Variants in XRCC5 observed in about 807,000 individuals in gnomAD.
XRCC5 encodes DNA repair protein Ku80.
XRCC5 carries 12 observed loss-of-function variants against 95.7 expected under a neutral mutation model. The ratio of observed to expected loss-of-function variants is 0.13; its 90% confidence interval spans 0.08 to 0.20. The LOEUF (loss-of-function observed/expected upper bound fraction) is 0.20. Ranked by LOEUF, XRCC5 falls within the 10% of genes least tolerant of loss-of-function variation. The pLI is 1.00. For synonymous variants in XRCC5, 281 were observed against 290.3 expected, an observed-to-expected ratio of 0.97 and a Z score of 0.33; for missense variants, 595 against 873.9, an observed-to-expected ratio of 0.68 and a Z score of 4.02.
chr2:216,170,470 G>A (rs966508299), intron 16 of XRCC5, among the ~76,000 whole-genome samples: 1 of 148,462 alleles, frequency 6.7e-6, no homozygotes, highest in African/African-American at 2.5e-5. Context: ...AATCACTCCT[G>A]ATACCAGTCT....
rs780375938 is a variant in XRCC5, at chr2:216,137,219, C to G, written c.1245C>G (p.Asn415Lys). Residue 415 changes from asparagine (N) to lysine (K), a missense_variant, in exon 11 of 21, where the codon AAC (asparagine) becomes AAG (lysine). Physicochemically the swap from Asn to Lys is moderately conservative, Grantham distance 94. Around this residue, in one of 2 missense-constraint regions of XRCC5, gnomAD observed 309 missense variants for 382.9 expected, o/e 0.81. Transcript: ENST00000392132. ...TGGCTTTTCCTCATATCAAGCATAA[C>G]TATGAGGTAAAACCCAAAGTCTTAA... ...VGVAFPHIKH[N>K]YECLVYVQLP... 7.4e-6 allele frequency: 12 copies of G among 1,612,446 alleles called. No homozygotes were observed. In the Admixed American group the frequency reaches 1.7e-4, roughly 22 times the overall value.
chr2:216,137,005 G>C, intron 10 of XRCC5, 83 bp from the exon 11 acceptor site: 1 of 1,453,102 alleles, frequency 6.9e-7, no homozygotes. Context: ...GAAAGAAAGT[G>C]ATAACAGTCT....
chr2:216,143,876 T>G (rs1315554452), intron 13 of XRCC5, among the ~76,000 whole-genome samples: 5 of 149,674 alleles, frequency 3.3e-5, no homozygotes, highest in South Asian at 2.1e-4. Flanking sequence ...CCGGCTAATT[T>G]TTTTTTTTTT....
Position 216,119,045 on chromosome 2 carries a change from G to A in XRCC5, c.371G>A (p.Gly124Glu). The part of the protein sequence containing the change: ...SMDVIQHETI[G>E]KKFEKRHIEI... Reference sequence around the variant, plus strand: ...AATATGATAACTCTCTCTTTTAGAGGAAAGAAGTTTGAGAAGAGGCATATT... The same window carrying A: ...AATATGATAACTCTCTCTTTTAGAGAAAAGAAGTTTGAGAAGAGGCATATT... Residue 124 changes from glycine (G) to glutamate (E), a missense_variant and splice_region_variant, in exon 5 of 21, where the codon GGA becomes GAA. Gly to Glu is a moderately conservative substitution (Grantham distance 98). Coordinates refer to ENST00000392132, the MANE Select transcript of XRCC5 (RefSeq NM_021141.4). The A allele has an allele frequency of 6.2e-7, 1 of 1,613,772 alleles. No individual in the cohort carries two copies. The highest frequency in any genetic ancestry group is 8.5e-7 in the Non-Finnish European group (1 of 1,179,798).
chr2:216,123,126 AG>A lies in XRCC5; in HGVS notation c.683+874del, dbSNP rs960112831. Among the ~76,000 whole-genome samples, 101 of 152,312 alleles carry A rather than the reference AG, an allele frequency of 6.6e-4. 1 individual carries two copies. The highest frequency in any genetic ancestry group is 2.0e-3 in the African/African-American group (83 of 41,566). On this transcript the variant is annotated intron_variant, in intron 6 of 20. Coordinates refer to ENST00000392132, the MANE Select transcript of XRCC5 (RefSeq NM_021141.4). Reference sequence around the variant, plus strand: ...TGCTTGATATTCTTGAATTATTTCCAGCTTATCAGTCTGTACACAAAATACT... The same window carrying A: ...TGCTTGATATTCTTGAATTATTTCCACTTATCAGTCTGTACACAAAATACT...
Position 216,172,671 on chromosome 2 carries a change from A to G in XRCC5, c.1834+10623A>G, listed in dbSNP as rs551063654. On this transcript the variant is annotated intron_variant, in intron 16 of 20. Coordinates refer to ENST00000392132, the MANE Select transcript of XRCC5 (RefSeq NM_021141.4). ...TTTTTAATAGAGACAGGGTTTCGCC[A>G]TGTTGACCAGGCTGGTTGAACTCCT... Among the ~76,000 whole-genome samples the G allele has an allele frequency of 1.4e-3, 220 of 152,020 alleles. 1 individual carries two copies. The highest frequency in any genetic ancestry group is 2.5e-3 in the Non-Finnish European group (172 of 67,948).
intron 10 of XRCC5, among the ~76,000 whole-genome samples, chr2:216,134,676 C>CA (rs1266809894): frequency 1.3e-5 from 2 of 151,092 alleles, no homozygotes; most frequent in Non-Finnish European, 3.0e-5. Flanking sequence ...TGATCCACCC[C>CA]CCCCCCTCCT....
At chr2:216,156,788 C>T in intron 14 of XRCC5, 1 of 518,230 alleles carries the variant, frequency 1.9e-6, no homozygotes. Flanking sequence ...TGAGAGTAAC[C>T]ACACAATCCT....
intron 19 of XRCC5, among the ~76,000 whole-genome samples, chr2:216,199,958 T>C (rs921793263): frequency 6.6e-6 from 1 of 152,156 alleles, no homozygotes; most frequent in Admixed American, 6.5e-5. Context: ...TTTATTGTTG[T>C]TGACATTTAT....
intron 16 of XRCC5, among the ~76,000 whole-genome samples, chr2:216,174,561 C>T (rs1323877692): frequency 2.0e-5 from 3 of 151,970 alleles, no homozygotes; most frequent in Non-Finnish European, 4.4e-5. Context: ...TTATCACTAC[C>T]ACAATTTACA....
intron 13 of XRCC5, among the ~76,000 whole-genome samples, chr2:216,142,936 C>A (rs766674724): frequency 1.3e-5 from 2 of 152,180 alleles, no homozygotes; most frequent in Non-Finnish European, 2.9e-5. Context: ...TGGGGATACA[C>A]GCCTATAAAC....
At chr2:216,184,074 G>GTGTGTGTGTGTGTGTGT in intron 16 of XRCC5, among the ~76,000 whole-genome samples, 3 of 133,388 alleles carry the variant, frequency 2.2e-5, no homozygotes, top group African/African-American at 5.8e-5. Context: ...GTGTGTGTGT[G>GTGTGTGTGTGTGTGTGT]ATTTAGAGAA....
chr2:216,146,629 A>C (rs1363685407), intron 13 of XRCC5, among the ~76,000 whole-genome samples: 1 of 152,194 alleles, frequency 6.6e-6, no homozygotes, highest in Non-Finnish European at 1.5e-5. Flanking sequence ...TTGTTTTTTA[A>C]TGACATCTAA....
At chr2:216,189,911 CA>C (rs1689583121) in intron 16 of XRCC5, among the ~76,000 whole-genome samples, 1 of 152,130 alleles carries the variant, frequency 6.6e-6, no homozygotes, top group East Asian at 1.9e-4. Context: ...AATAAAATAA[CA>C]ACAACAGCAG....
intron 8 of XRCC5, 181 bp from the exon 9 acceptor site, chr2:216,130,694 G>T (rs558310874): frequency 1.5e-5 from 8 of 523,400 alleles, no homozygotes; most frequent in African/African-American, 1.4e-4. Flanking sequence ...TGTGTGGTTT[G>T]TGTATCTGCT....
intron 16 of XRCC5, among the ~76,000 whole-genome samples, chr2:216,180,827 T>C (rs1222222253): frequency 8.0e-5 from 12 of 150,858 alleles, no homozygotes; most frequent in South Asian, 2.1e-4. Flanking sequence ...TTTTTTTTTT[T>C]CCGAGATGGA....
At chr2:216,185,315 G>A (rs182453984) in intron 16 of XRCC5, among the ~76,000 whole-genome samples, 36 of 152,030 alleles carry the variant, frequency 2.4e-4, no homozygotes, top group African/African-American at 6.3e-4. Flanking sequence ...TACACACACC[G>A]CCTCTACCCA....
intron 5 of XRCC5, among the ~76,000 whole-genome samples, chr2:216,120,871 G>A (rs906803604): frequency 6.6e-6 from 1 of 152,140 alleles, no homozygotes; most frequent in African/African-American, 2.4e-5. Context: ...TAGTAGCTGG[G>A]ATTTCAGGTG....
At chr2:216,158,096 C>G (rs1688880908) in intron 14 of XRCC5, among the ~76,000 whole-genome samples, 1 of 152,178 alleles carries the variant, frequency 6.6e-6, no homozygotes, top group South Asian at 2.1e-4. Context: ...CCTTCTTTCC[C>G]TAGAACCTCA....
Sources: gnomAD v4.1 joint callset for allele counts (sites outside exome capture counted in the v4.1 genomes callset) on GRCh38, gnomAD v4.1.1 for gene constraint, gnomAD v4.1.1 regional missense constraint, MANE v1.5 for transcripts, NCBI Gene and HGNC (gene_info 2026-07-23, HGNC 2026-07-21) for gene names.